PTPRZ1: variants seen among roughly 807,000 people sequenced by gnomAD.
PTPRZ1 encodes the protein protein tyrosine phosphatase receptor type Z1.
PTPRZ1 carries 82 observed loss-of-function variants against 214.1 expected under a neutral mutation model. The observed-to-expected ratio is 0.38, with a 90% CI of 0.32 to 0.46. The LOEUF (loss-of-function observed/expected upper bound fraction) is 0.46. Ranked by LOEUF, PTPRZ1 falls within the 20% of genes least tolerant of loss-of-function variation. PTPRZ1 has a pLI of 1.00. For missense variants in PTPRZ1, 2,603 were observed against 2,748.7 expected (o/e 0.95, Z 1.19); for synonymous variants, 945 against 987.9 (o/e 0.96, Z 0.81).
chr7:122,036,956 A>C (rs1318772807), intron 18 of PTPRZ1, among the ~76,000 whole-genome samples: 1 of 152,208 alleles, frequency 6.6e-6, no homozygotes, highest in African/African-American at 2.4e-5. Flanking sequence ...AGGTAGATTC[A>C]GATAGGTTTC....
intron 1 of PTPRZ1, among the ~76,000 whole-genome samples, chr7:121,925,428 T>C (rs1287443006): frequency 2.0e-5 from 3 of 152,220 alleles, no homozygotes; most frequent in East Asian, 1.9e-4. Flanking sequence ...CATAACAGCA[T>C]TGTTCATAAT....
Position 121,998,058 on chromosome 7 carries a change from T to G in PTPRZ1, c.1240+52T>G, listed in dbSNP as rs755572134. 8 of 1,546,034 alleles carry G rather than the reference T, an allele frequency of 5.2e-6. No individual in the cohort carries two copies. The African/African-American group carries it at 1.1e-4, about 21-fold the overall frequency. On this transcript the variant is annotated intron_variant, in intron 10 of 29. Coordinates refer to ENST00000393386, the MANE Select transcript of PTPRZ1 (RefSeq NM_002851.3). Reference sequence around the variant, plus strand: ...ATTAACTCAATAAATGAGGTTAGTTTAATTACTGTATGCATTGATGCTTTC... The same window carrying G: ...ATTAACTCAATAAATGAGGTTAGTTGAATTACTGTATGCATTGATGCTTTC...
At chr7:121,993,885 A>G (rs1798048844) in intron 8 of PTPRZ1, among the ~76,000 whole-genome samples, 1 of 152,162 alleles carries the variant, frequency 6.6e-6, no homozygotes, top group African/African-American at 2.4e-5. Flanking sequence ...CTCCACATCT[A>G]AAATAAAAGA....
At chr7:122,020,890 A>G (rs905978220) in intron 13 of PTPRZ1, among the ~76,000 whole-genome samples, 1 of 152,048 alleles carries the variant, frequency 6.6e-6, no homozygotes, top group African/African-American at 2.4e-5. Flanking sequence ...TCCATAATCC[A>G]TAAATGTGTG....
At chr7:122,019,071 G>A in intron 12 of PTPRZ1, 53 bp from the exon 13 acceptor site, 1 of 1,508,196 alleles carries the variant, frequency 6.6e-7, no homozygotes, top group South Asian at 1.2e-5. Flanking sequence ...GAAAAATGCT[G>A]TGACTTTTCC....
Position 122,007,211 on chromosome 7 carries a change from G to A in PTPRZ1, c.1287+2551G>A, listed in dbSNP as rs1798519379. On this transcript the variant is annotated intron_variant, in intron 11 of 29. Coordinates refer to ENST00000393386, the MANE Select transcript of PTPRZ1 (RefSeq NM_002851.3). ...CTATGATCTAGAGGAAAATGAGGAGGAGAAAGAATTCTTATGACATTAGGC... is the reference window on the plus strand; with the variant it reads ...CTATGATCTAGAGGAAAATGAGGAGAAGAAAGAATTCTTATGACATTAGGC... Among the ~76,000 whole-genome samples, 3 of 152,188 alleles carry A rather than the reference G, an allele frequency of 2.0e-5. No individual in the cohort carries two copies. In the South Asian group the frequency reaches 6.2e-4, roughly 32 times the overall value.
At chr7:121,994,289 CTTTT>C (rs35332072) in intron 8 of PTPRZ1, among the ~76,000 whole-genome samples, 1,856 of 75,282 alleles carry the variant, frequency 0.025, 13 homozygotes, top group Non-Finnish European at 0.033. Context: ...TAATGCATTT[CTTTT>C]TTTTTTTTTT....
At chr7:122,058,725 TC>T (rs1792460761) in intron 27 of PTPRZ1, 74 bp from the exon 28 acceptor site, 2 of 1,345,806 alleles carry the variant, frequency 1.5e-6, no homozygotes, top group Admixed American at 4.0e-5. Context: ...TTACTGTAAT[TC>T]CTGATTTTCC....
chr7:121,880,529 T>TTTA (rs917199902), intron 1 of PTPRZ1, among the ~76,000 whole-genome samples: 14 of 152,132 alleles, frequency 9.2e-5, no homozygotes, highest in African/African-American at 3.4e-4. Flanking sequence ...CTCTAATGTA[T>TTTA]TTACCTAAGG....
chr7:122,044,691 C>T (rs1277923907), intron 23 of PTPRZ1, 123 bp downstream of exon 23: 1 of 1,004,678 alleles, frequency 1.0e-6, no homozygotes, highest in Non-Finnish European at 1.4e-6. Context: ...GTATTTGAGC[C>T]ATCGTTGTTC....
chr7:122,032,314 G>T (rs1159625756), intron 15 of PTPRZ1, among the ~76,000 whole-genome samples: 2 of 152,106 alleles, frequency 1.3e-5, no homozygotes, highest in African/African-American at 4.8e-5. Flanking sequence ...GGAATTACTT[G>T]TTATTATTTC....
At position 121,908,841 on chromosome 7, in the gene PTPRZ1, A is replaced by G. The variant is rs528082587; in HGVS notation, c.59-19315A>G. The G allele has an allele frequency of 8.7e-4, 420 of 485,300 alleles. 5 individuals are homozygous for G. The highest frequency in any genetic ancestry group is 6.5e-3 in the South Asian group (415 of 64,154). The allele number at this position is 485,300 out of a possible 1,614,324, so 30.1% of individuals were successfully genotyped here. On this transcript the variant is annotated intron_variant, in intron 1 of 29. Transcript: ENST00000393386. Reference sequence around the variant, plus strand: ...GGATAAGGAATGGGAAAGTCCAAATATAGTTTTGTATATGGAAATATATAT... The same window carrying G: ...GGATAAGGAATGGGAAAGTCCAAATGTAGTTTTGTATATGGAAATATATAT...
chr7:122,017,554 T>TATTC (rs1798879765), intron 12 of PTPRZ1, among the ~76,000 whole-genome samples: 1 of 149,632 alleles, frequency 6.7e-6, no homozygotes, highest in Non-Finnish European at 1.5e-5. Context: ...TTTATTTATT[T>TATTC]ATTTATTTAT....
At chr7:121,917,764 A>G (rs1432180111) in intron 1 of PTPRZ1, among the ~76,000 whole-genome samples, 1 of 152,176 alleles carries the variant, frequency 6.6e-6, no homozygotes, top group African/African-American at 2.4e-5. Flanking sequence ...GTCATCACTT[A>G]AAGGCAGAAT....
intron 25 of PTPRZ1, 61 bp from the exon 26 acceptor site, chr7:122,053,849 C>T (rs2150491260): frequency 1.3e-6 from 2 of 1,585,754 alleles, no homozygotes; most frequent in Non-Finnish European, 1.7e-6. Context: ...TGTATAAATG[C>T]TTATCTGAAT....
chr7:121,948,508 G>A (rs1334155665), intron 2 of PTPRZ1, among the ~76,000 whole-genome samples: 1 of 152,146 alleles, frequency 6.6e-6, no homozygotes, highest in Non-Finnish European at 1.5e-5. Context: ...CAATAGCTTA[G>A]CAAAGGTGGG....
At chr7:121,972,770 T>C (rs1797297771) in intron 4 of PTPRZ1, 78 bp downstream of exon 4, 4 of 1,152,992 alleles carry the variant, frequency 3.5e-6, no homozygotes, top group Middle Eastern at 2.8e-4. Flanking sequence ...ATTTGATTAA[T>C]TTTAAAATCC....
At chr7:122,044,827 G>T (rs934826460) in intron 23 of PTPRZ1, among the ~76,000 whole-genome samples, 1 of 152,040 alleles carries the variant, frequency 6.6e-6, no homozygotes, top group Non-Finnish European at 1.5e-5. Flanking sequence ...GAGAAAAGAA[G>T]GGCACAGAGC....
Position 121,895,790 on chromosome 7 carries a change from A to G in PTPRZ1, c.58+22233A>G, listed in dbSNP as rs189579120. 3.0e-4 allele frequency among the ~76,000 whole-genome samples: 46 copies of G among 152,362 alleles called. 1 individual carries two copies. In the East Asian group the frequency reaches 8.3e-3, roughly 27 times the overall value. Reference sequence around the variant, plus strand: ...AATTGTCAGTGAAATGCAAAAGACCAGATCCTTCAGATATTAGGCAGTTCT... The same window carrying G: ...AATTGTCAGTGAAATGCAAAAGACCGGATCCTTCAGATATTAGGCAGTTCT... On this transcript the variant is annotated intron_variant, in intron 1 of 29. Transcript: ENST00000393386.
Sources: allele counts gnomAD v4.1 joint callset (sites outside exome capture counted in the v4.1 genomes callset), GRCh38; gene constraint gnomAD v4.1.1; transcripts MANE v1.5; gene names NCBI Gene and HGNC (gene_info 2026-07-23, HGNC 2026-07-21).